SLC45A2: variants seen among roughly 807,000 people sequenced by gnomAD.
SLC45A2 encodes the protein solute carrier family 45 member 2.
A neutral mutation model predicts 45.5 loss-of-function variants in SLC45A2; 36 were observed. The observed-to-expected ratio is 0.79, with a 90% CI of 0.61 to 1.04. The LOEUF is 1.04. SLC45A2 is among the 50% of genes least tolerant of loss of function. The pLI is 0.00. For synonymous variants in SLC45A2, 306 were observed against 269.3 expected (o/e 1.14, Z -1.33); for missense variants, 719 against 671.0 (o/e 1.07, Z -0.79).
intron 2 of SLC45A2, among the ~76,000 whole-genome samples, chr5:33,968,409 C>G (rs1016623488): frequency 1.3e-5 from 2 of 152,184 alleles, no homozygotes; most frequent in African/African-American, 2.4e-5. Flanking sequence ...AGCCATAAGC[C>G]AGAGCATTCG....
At chr5:33,969,065 C>CTCTCTGTGTGTGTGTG in intron 2 of SLC45A2, among the ~76,000 whole-genome samples, 26 of 102,468 alleles carry the variant, frequency 2.5e-4, no homozygotes, top group Admixed American at 1.1e-3. Context: ...CTCTCTCTCT[C>CTCTCTGTGTGTGTGTG]TGTGTGTGTG....
chr5:33,946,019 C>T (rs1453771262), intron 6 of SLC45A2: 1 of 985,266 alleles, frequency 1.0e-6, no homozygotes, highest in African/African-American at 1.7e-5. Flanking sequence ...ATTATCTCAC[C>T]TAAAAATGAA....
chr5:33,973,748 T>C (rs1237482727), intron 2 of SLC45A2, among the ~76,000 whole-genome samples: 1 of 152,330 alleles, frequency 6.6e-6, no homozygotes, highest in Non-Finnish European at 1.5e-5. Flanking sequence ...AAATAAAATG[T>C]TTGCAGGCGT....
Position 33,947,154 on chromosome 5 carries a change from A to G in SLC45A2, c.1368+9T>C. ...TGTTACCCAAGGCAGAGGTTCAATG[A>G]CAGCACACCTCCTTTTCTTCCTCGC... On this transcript the variant is annotated intron_variant, in intron 6 of 6. Coordinates refer to ENST00000296589, the MANE Select transcript of SLC45A2 (RefSeq NM_016180.5). 1 of 1,614,166 alleles carries G rather than the reference A, an allele frequency of 6.2e-7. No individual in the cohort carries two copies. Among genetic ancestry groups the G allele is most frequent in the Non-Finnish European group, 8.5e-7 (1 of 1,179,984 alleles).
chr5:33,949,880 T>G (rs936314752), intron 5 of SLC45A2, among the ~76,000 whole-genome samples: 12 of 152,050 alleles, frequency 7.9e-5, no homozygotes, highest in African/African-American at 2.9e-4. Flanking sequence ...GATTGACACT[T>G]TTCTTTCTGA....
At chr5:33,978,154 T>C (rs1320830160) in intron 2 of SLC45A2, among the ~76,000 whole-genome samples, 4 of 152,316 alleles carry the variant, frequency 2.6e-5, no homozygotes, top group Non-Finnish European at 1.5e-5. Flanking sequence ...TACCCTGTTA[T>C]AACCCTTCCC....
intron 3 of SLC45A2, among the ~76,000 whole-genome samples, chr5:33,957,819 T>C (rs1160594749): frequency 6.6e-6 from 1 of 152,222 alleles, no homozygotes; most frequent in Non-Finnish European, 1.5e-5. Flanking sequence ...TTCTGACTTA[T>C]ACATAATTTT....
At chr5:33,980,421 T>A (rs1468382396) in intron 2 of SLC45A2, among the ~76,000 whole-genome samples, 1 of 152,242 alleles carries the variant, frequency 6.6e-6, no homozygotes, top group African/African-American at 2.4e-5. Flanking sequence ...ATGAGCCAGC[T>A]GTAAGCACAC....
chr5:33,967,210 T>C (rs1457733548), intron 2 of SLC45A2, among the ~76,000 whole-genome samples: 1 of 152,222 alleles, frequency 6.6e-6, no homozygotes, highest in Non-Finnish European at 1.5e-5. Flanking sequence ...TGATTAGAAC[T>C]AATGGATTAT....
At position 33,984,398 on chromosome 5, in the gene SLC45A2, G is replaced by T. The variant is rs977911360; in HGVS notation, c.186C>A (p.Ser62Arg). ...TGTACAGGCTGCTGGGCAGACCTAC[G>T]CTGAGCAGGACTGGGGTCACATACG... ...EAAYVTPVLL[S>R]VGLPSSLYSI... Residue 62 changes from serine to arginine, a missense_variant, in exon 1 of 7, where the codon AGC becomes AGA. By Grantham distance (110) the Ser-to-Arg change is moderately radical. Coordinates refer to ENST00000296589, the MANE Select transcript of SLC45A2 (RefSeq NM_016180.5). 5 of 1,613,266 alleles carry T rather than the reference G, an allele frequency of 3.1e-6. No individual in the cohort carries two copies. In the African/African-American group the frequency reaches 6.7e-5, roughly 22 times the overall value.
chr5:33,967,745 C>A (rs890192767), intron 2 of SLC45A2, among the ~76,000 whole-genome samples: 10 of 150,848 alleles, frequency 6.6e-5, no homozygotes, highest in Non-Finnish European at 1.0e-4. Flanking sequence ...AGAAGGTTAA[C>A]CAGGTTCATA....
intron 2 of SLC45A2, among the ~76,000 whole-genome samples, chr5:33,975,924 G>T (rs1316831131): frequency 6.6e-6 from 1 of 151,936 alleles, no homozygotes; most frequent in African/African-American, 2.4e-5. Context: ...CCCTCCTCTT[G>T]TCTTGAAACA....
At chr5:33,982,971 T>C (rs1274237006) in intron 1 of SLC45A2, among the ~76,000 whole-genome samples, 1 of 152,228 alleles carries the variant, frequency 6.6e-6, no homozygotes, top group Non-Finnish European at 1.5e-5. Flanking sequence ...TCAAACGCAG[T>C]GCTTCTCAAA....
chr5:33,955,740 T>C (rs1220240952), intron 3 of SLC45A2, among the ~76,000 whole-genome samples: 2 of 152,316 alleles, frequency 1.3e-5, no homozygotes, highest in East Asian at 3.9e-4. Context: ...TCCAAAAATT[T>C]TTTGAAGCAA....
chr5:33,983,016 T>C (rs1398596028), intron 1 of SLC45A2, among the ~76,000 whole-genome samples: 1 of 152,216 alleles, frequency 6.6e-6, no homozygotes, highest in Non-Finnish European at 1.5e-5. Context: ...GTATGTCTTG[T>C]TAAAACACAG....
intron 1 of SLC45A2, among the ~76,000 whole-genome samples, chr5:33,982,691 T>C (rs1753114657): frequency 1.3e-5 from 2 of 152,142 alleles, no homozygotes; most frequent in Non-Finnish European, 2.9e-5. Context: ...ATGGGTTTAT[T>C]TTGGGGGTGA....
At chr5:33,953,906 A>G (rs1209386456) in intron 4 of SLC45A2, among the ~76,000 whole-genome samples, 3 of 120,884 alleles carry the variant, frequency 2.5e-5, no homozygotes, top group African/African-American at 6.4e-5. Context: ...CAGGGGTTGC[A>G]ATCCTAGTCT....
In SLC45A2 at chr5:33,944,885, C is replaced by T. The variant is rs374433573; in HGVS notation, c.1369-13G>A. ...GGGCCTGCTGCCTCTGCAAAGGAAG[C>T]ACAGAACCACCATTTGACCTACAAG... On this transcript the variant is annotated splice_polypyrimidine_tract_variant and intron_variant, in intron 6 of 6. Transcript: ENST00000296589. 12 of 1,604,240 alleles carry T rather than the reference C, an allele frequency of 7.5e-6. No homozygotes were observed. In the African/African-American group the frequency reaches 1.5e-4, roughly 20 times the overall value.
At chr5:33,951,499 G>C (rs1216269101) in intron 5 of SLC45A2, 55 bp downstream of exon 5, 3 of 1,612,716 alleles carry the variant, frequency 1.9e-6, no homozygotes, top group Non-Finnish European at 2.5e-6. Context: ...TCAAATCCAA[G>C]TTGTGCTAGA....
Sources: allele counts gnomAD v4.1 joint callset (sites outside exome capture counted in the v4.1 genomes callset), GRCh38; gene constraint gnomAD v4.1.1; transcripts MANE v1.5; gene names NCBI Gene and HGNC (gene_info 2026-07-23, HGNC 2026-07-21).